The following CUBN variants were observed in gnomAD, a reference collection of about 807,000 sequenced individuals.
The protein encoded by CUBN is 460 kDa receptor.
A neutral mutation model predicts 405.3 loss-of-function variants in CUBN; 282 were observed. The ratio of observed to expected loss-of-function variants is 0.70; its 90% CI spans 0.63 to 0.77. The LOEUF is 0.77. Among genes scored for constraint, CUBN ranks in the 30% least tolerant of loss-of-function variants. The probability of loss-of-function intolerance (pLI) is 0.00; values close to 1 mark genes in which losing one functional copy is unlikely to be tolerated. For missense variants in CUBN, 4,514 were observed against 4,475.2 expected, an observed-to-expected ratio of 1.01 and a Z score of -0.25; for synonymous variants, 1,684 against 1,617.0, an observed-to-expected ratio of 1.04 and a Z score of -0.99.
chr10:17,043,280 A>G (rs746800067), intron 26 of CUBN, among the ~76,000 whole-genome samples: 28 of 152,186 alleles, frequency 1.8e-4, no homozygotes, highest in Non-Finnish European at 2.8e-4. Context: ...TTAAAATGGC[A>G]TCTGTACAAT....
chr10:16,844,067 C>T (rs972119261), intron 60 of CUBN, among the ~76,000 whole-genome samples: 13 of 151,782 alleles, frequency 8.6e-5, no homozygotes, highest in Non-Finnish European at 1.3e-4. Context: ...GTCAGGAGTT[C>T]GAGACCAGCC....
chr10:17,045,360 A>T lies in CUBN; in HGVS notation c.3491-172T>A, dbSNP rs146542277. Among the ~76,000 whole-genome samples, 11,502 of 134,282 alleles carry T rather than the reference A, an allele frequency of 0.086. 623 individuals carry two copies. The highest frequency in any genetic ancestry group is 0.27 in the East Asian group (1,311 of 4,794). 88.1% of individuals were successfully genotyped at this position (134,282 alleles called of 152,430 possible). ...AAAAATCCAATTTTTATTTTTTTCTATTTTTTTTTTTTTTTTTGAGATGGA... is the reference window on the plus strand; with the variant it reads ...AAAAATCCAATTTTTATTTTTTTCTTTTTTTTTTTTTTTTTTTGAGATGGA... On this transcript the variant is annotated intron_variant, in intron 24 of 66. Transcript: ENST00000377833.
rs1038962023 is a variant in CUBN, at chr10:16,990,454, C to A, written c.4230G>T (p.Arg1410Ser). ...AGATACACTCCTTGTTTGGTGGATA[C>A]CTGTTGGGGAACCCGGGGCTGCTGA... Reference protein sequence around the residue: ...GSFSSPGFPNRYPPNKECIWY... With the variant: ...GSFSSPGFPNSYPPNKECIWY... Residue 1410 changes from arginine (R) to serine (S), a missense_variant, in exon 29 of 67, where the codon AGG becomes AGT. Physicochemically the swap from Arg to Ser is moderately radical, Grantham distance 110. This residue lies in a region of CUBN where 1,613 missense variants were observed against 1,542.8 expected (regional missense o/e 1.05). Coordinates refer to ENST00000377833, the MANE Select transcript of CUBN (RefSeq NM_001081.4). 1 of 1,614,154 alleles carries A rather than the reference C, an allele frequency of 6.2e-7. No individual in the cohort carries two copies.
intron 59 of CUBN, among the ~76,000 whole-genome samples, chr10:16,864,069 G>A (rs183347875): frequency 2.0e-4 from 30 of 152,254 alleles, no homozygotes; most frequent in African/African-American, 7.0e-4. Context: ...AAAATCTAAT[G>A]TGTTCTATAT....
intron 59 of CUBN, among the ~76,000 whole-genome samples, chr10:16,864,491 C>T (rs983333654): frequency 1.3e-5 from 2 of 152,038 alleles, no homozygotes; most frequent in African/African-American, 4.8e-5. Context: ...TCTGCTTTAT[C>T]CCCATCACAT....
intron 17 of CUBN, among the ~76,000 whole-genome samples, chr10:17,081,048 G>C (rs1835954611): frequency 7.6e-6 from 1 of 132,390 alleles, no homozygotes; most frequent in Non-Finnish European, 1.8e-5. Flanking sequence ...TGTGTTCCTT[G>C]TGTTAAAAAA....
At chr10:17,067,442 T>C (rs887837424) in intron 21 of CUBN, among the ~76,000 whole-genome samples, 1 of 152,210 alleles carries the variant, frequency 6.6e-6, no homozygotes, top group Middle Eastern at 3.4e-3. Context: ...GAATATATAG[T>C]AATAGGAACT....
At position 17,085,614 on chromosome 10, in the gene CUBN, G is replaced by A. The variant is rs1477833751; in HGVS notation, c.2093C>T (p.Thr698Ile). The change falls in exon 16 of 67, where the codon ACC becomes ATC. Residue 698 changes from threonine to isoleucine, a missense_variant. Transcript: ENST00000377833. ...TTACTTACAAGGTGATGTTAAGTAG[G>A]TGATATGGAAGCCTTGGTCACTAAT... Reference protein sequence around the residue: ...SQISDQGFHITYLTSPSDLRC... With the variant: ...SQISDQGFHIIYLTSPSDLRC... 3.1e-6 allele frequency: 5 copies of A among 1,614,048 alleles called. No homozygotes were observed. Among genetic ancestry groups the A allele is most frequent in the African/African-American group, 2.7e-5 (2 of 74,926 alleles).
chr10:16,968,400 T>C (rs1843460662), intron 31 of CUBN, among the ~76,000 whole-genome samples: 1 of 152,182 alleles, frequency 6.6e-6, no homozygotes, highest in African/African-American at 2.4e-5. Flanking sequence ...CAGAAGTTAC[T>C]AATCATATTG....
At chr10:17,110,658 G>A (rs1465475465) in intron 9 of CUBN, among the ~76,000 whole-genome samples, 3 of 152,078 alleles carry the variant, frequency 2.0e-5, no homozygotes, top group Non-Finnish European at 4.4e-5. Context: ...CTCCCGAGTA[G>A]CTAGGATTAC....
intron 28 of CUBN, among the ~76,000 whole-genome samples, chr10:16,994,958 G>A (rs1833691869): frequency 6.6e-6 from 1 of 152,176 alleles, no homozygotes; most frequent in African/African-American, 2.4e-5. Flanking sequence ...GGGCGTGGTG[G>A]TATGCGCCTG....
In CUBN at chr10:17,127,872, A is replaced by G; in HGVS notation, c.305T>C (p.Leu102Pro). 6.2e-7 allele frequency: 1 copy of G among 1,613,278 alleles called. No homozygotes were observed. Among genetic ancestry groups the G allele is most frequent in the Non-Finnish European group, 8.5e-7 (1 of 1,179,366 alleles). The change falls in exon 3 of 67, where the codon CTG (leucine) becomes CCG (proline). Residue 102 changes from leucine (L) to proline (P), a missense_variant. Leu to Pro is a moderately conservative substitution (Grantham distance 98). This residue lies in a region of CUBN where 1,448 missense variants were observed against 1,388.0 expected (regional missense o/e 1.04). Coordinates refer to ENST00000377833, the MANE Select transcript of CUBN (RefSeq NM_001081.4). ...IIELKGSAIG[L>P]PQNISSQIYQ... ...GATTTGACTAGATATATTTTGAGGC[A>G]GACCAATTGCACTCCCTTTTAACTC...
At chr10:16,829,590 T>C (rs1838912758) in intron 65 of CUBN, among the ~76,000 whole-genome samples, 1 of 152,178 alleles carries the variant, frequency 6.6e-6, no homozygotes, top group Non-Finnish European at 1.5e-5. Context: ...TAAGGTCAAA[T>C]ACTTCAAGTT....
intron 32 of CUBN, 121 bp from the exon 33 acceptor site, chr10:16,952,510 C>T (rs1842949244): frequency 7.1e-6 from 5 of 703,220 alleles, no homozygotes; most frequent in Middle Eastern, 2.4e-4. Flanking sequence ...AAATGCACGC[C>T]AAGAAAGTTC....
At chr10:16,914,883 T>C in intron 47 of CUBN, 149 bp downstream of exon 47, 5 of 721,104 alleles carry the variant, frequency 6.9e-6, no homozygotes, top group Admixed American at 2.1e-5. Flanking sequence ...CTGTAATTTT[T>C]CATTTATCAC....
intron 31 of CUBN, among the ~76,000 whole-genome samples, chr10:16,957,180 C>T (rs933263492): frequency 2.0e-5 from 3 of 152,142 alleles, no homozygotes; most frequent in Non-Finnish European, 4.4e-5. Flanking sequence ...AATATCTCCC[C>T]ATAATTTCCT....
intron 51 of CUBN, among the ~76,000 whole-genome samples, chr10:16,901,915 A>AGTGTG (rs1841390341): frequency 2.4e-5 from 3 of 125,572 alleles, no homozygotes; most frequent in Non-Finnish European, 5.3e-5. Flanking sequence ...ATATATATAT[A>AGTGTG]TATACACACA....
chr10:17,094,610 A>G (rs748582596), intron 14 of CUBN, among the ~76,000 whole-genome samples: 1 of 152,122 alleles, frequency 6.6e-6, no homozygotes, highest in African/African-American at 2.4e-5. Context: ...CTATACATTA[A>G]CAACTAACTG....
chr10:16,940,998 G>A (rs1842635453), intron 36 of CUBN, among the ~76,000 whole-genome samples: 1 of 152,162 alleles, frequency 6.6e-6, no homozygotes, highest in Non-Finnish European at 1.5e-5. Flanking sequence ...ATGTGTTGGG[G>A]AGTCGAGGAT....
Sources: gnomAD v4.1 joint callset for allele counts (sites outside exome capture counted in the v4.1 genomes callset) on GRCh38, gnomAD v4.1.1 for gene constraint, gnomAD v4.1.1 regional missense constraint, MANE v1.5 for transcripts, NCBI Gene and HGNC (gene_info 2026-07-23, HGNC 2026-07-21) for gene names.